The following DELE1 variants were observed in gnomAD, a reference collection of about 807,000 sequenced individuals.
DELE1 encodes death ligand signal enhancer.
DELE1 carries 54 observed loss-of-function variants against 59.3 expected under a neutral mutation model. That is an observed-to-expected ratio of 0.91 (90% CI 0.73 to 1.14). The LOEUF (loss-of-function observed/expected upper bound fraction) is 1.14. Ranked by LOEUF, DELE1 falls within the 50% of genes most tolerant of loss-of-function variation. The probability of loss-of-function intolerance (pLI) is 0.00; values close to 1 mark genes in which losing one functional copy is unlikely to be tolerated. For synonymous variants in DELE1, 264 were observed against 259.1 expected (o/e 1.02, Z -0.18); for missense variants, 636 against 643.9 (o/e 0.99, Z 0.13).
Position 141,932,639 on chromosome 5 carries a change from C to T in DELE1, c.755-620C>T, listed in dbSNP as rs543152383. Among the ~76,000 whole-genome samples the T allele has an allele frequency of 4.8e-4, 73 of 152,258 alleles. 1 individual carries two copies. Among genetic ancestry groups the T allele is most frequent in the African/African-American group, 1.6e-3 (65 of 41,546 alleles). ...GTTCAGATTCCTGAGAAAGAACCTC[C>T]GTGGTTAGGAAGAACACAAGCACAT... On this transcript the variant is annotated intron_variant, in intron 7 of 11. Coordinates refer to ENST00000432126, the MANE Select transcript of DELE1 (RefSeq NM_014773.5).
rs764711531 is a variant in DELE1 at position 141,937,315 on chromosome 5, G to A, written c.1267G>A (p.Ala423Thr). 49 of 1,614,056 alleles carry A rather than the reference G, an allele frequency of 3.0e-5. No homozygotes were observed. Among genetic ancestry groups the A allele is most frequent in the South Asian group, 1.8e-4 (16 of 91,084 alleles). ...GTCAGCCGCTCTGGGAAATGAGGCC[G>A]CCCAGGAGAGGCTGCGAGCCCTCTT... Reference protein sequence around the residue: ...QQSAALGNEAAQERLRALFSM... With the variant: ...QQSAALGNEATQERLRALFSM... Residue 423 changes from alanine to threonine, a missense_variant, in exon 11 of 12, where the codon GCC becomes ACC. Physicochemically the swap from Ala to Thr is moderately conservative, Grantham distance 58. Transcript: ENST00000432126.
At chr5:141,938,418 T>C (rs1752535763) in intron 11 of DELE1, 103 bp from the exon 12 acceptor site, 8 of 1,520,104 alleles carry the variant, frequency 5.3e-6, no homozygotes, top group South Asian at 1.3e-5. Flanking sequence ...GGTTGGGAGT[T>C]AACAATGCCT....
intron 11 of DELE1, 43 bp downstream of exon 11, chr5:141,937,400 C>T: frequency 6.2e-7 from 1 of 1,604,608 alleles, no homozygotes; most frequent in Non-Finnish European, 8.5e-7. Flanking sequence ...TCCCTGAGCT[C>T]AGTACTCTGT....
intron 2 of DELE1, 94 bp from the exon 3 acceptor site, chr5:141,925,316 C>T: frequency 1.4e-6 from 1 of 723,004 alleles, no homozygotes; most frequent in Non-Finnish European, 2.2e-6. Context: ...CCACCTCAGC[C>T]TCCCAAATTG....
chr5:141,941,969 A>G lies in DELE1; in HGVS notation c.*3210A>G. 1 of 980,836 alleles carries G rather than the reference A, an allele frequency of 1.0e-6. No individual in the cohort carries two copies. Among genetic ancestry groups the G allele is most frequent in the African/African-American group, 1.9e-5 (1 of 53,466 alleles). The allele number at this position is 980,836 out of a possible 1,614,324, so 60.8% of individuals were successfully genotyped here. ...ACTCGCCGCCTATACACACGCACAC[A>G]CGCACACACACACACACGGTTTCCT... On this transcript the variant is annotated 3_prime_UTR_variant, in exon 12 of 12. Transcript: ENST00000432126.
In DELE1 at chr5:141,937,175, TTGTC is replaced by T. The variant is rs1030934010; in HGVS notation, c.1150-18_1150-15del. ...CTCATTCCTGCATGTGTGTATCTGT[TTGTC>T]TGTCCATTTTCTCCTTAGGACTCAC... On this transcript the variant is annotated intron_variant, in intron 10 of 11. Transcript: ENST00000432126. The T allele has an allele frequency of 4.3e-6, 7 of 1,613,558 alleles. No homozygotes were observed. The highest frequency in any genetic ancestry group is 1.7e-4 in the Middle Eastern group (1 of 6,052).
rs377098618 is a variant in DELE1 at position 141,929,451 on chromosome 5, TG to T, written c.413-130del. 693 of 892,178 alleles carry T rather than the reference TG, an allele frequency of 7.8e-4. 5 individuals carry two copies. In the East Asian group the frequency reaches 0.014, roughly 18 times the overall value. 55.3% of individuals were successfully genotyped at this position (892,178 alleles called of 1,614,324 possible). A position where few individuals can be genotyped will look rare whatever the true frequency, so the allele number is the denominator to read the frequency against. On this transcript the variant is annotated intron_variant, in intron 4 of 11. Coordinates refer to ENST00000432126, the MANE Select transcript of DELE1 (RefSeq NM_014773.5). ...TTTTAGTACAGATGGGGTTTCACCA[TG>T]TTGGCCAGGCTGGTCTTGAACTCCT...
At position 141,925,505 on chromosome 5, in the gene DELE1, C is replaced by T. The variant is rs1751327732; in HGVS notation, c.242C>T (p.Thr81Ile). 6 of 1,595,822 alleles carry T rather than the reference C, an allele frequency of 3.8e-6. No homozygotes were observed. The highest frequency in any genetic ancestry group is 1.7e-4 in the Middle Eastern group (1 of 6,004). ...QWMSSRVSPNTLWDAISWGTL... is the reference protein window; with the variant it reads ...QWMSSRVSPNILWDAISWGTL... Reference sequence around the variant, plus strand: ...ATGTCTTCCCGTGTCTCCCCGAACACCCTATGGGATGCCATATCTTGGGTA... The same window carrying T: ...ATGTCTTCCCGTGTCTCCCCGAACATCCTATGGGATGCCATATCTTGGGTA... Residue 81 changes from threonine to isoleucine, a missense_variant, in exon 3 of 12, where the codon ACC becomes ATC. Transcript: ENST00000432126.
At chr5:141,929,879 G>A (rs1751757287) in intron 5 of DELE1, 110 bp from the exon 6 acceptor site, 9 of 1,504,410 alleles carry the variant, frequency 6.0e-6, no homozygotes, top group South Asian at 1.1e-5. Context: ...GGGTTATTTC[G>A]GTTCCTGGCA....
chr5:141,939,527 G>A lies in DELE1; in HGVS notation c.*768G>A. On this transcript the variant is annotated 3_prime_UTR_variant, in exon 12 of 12. Transcript: ENST00000432126. ...GAAGGAAGAAGTTTCTTGCCCAAAT[G>A]CCTGGATGTGTCTGCTTGACTTTCA... 1.0e-6 allele frequency: 1 copy of A among 985,802 alleles called. No individual in the cohort carries two copies. Among genetic ancestry groups the A allele is most frequent in the African/African-American group, 1.7e-5 (1 of 57,308 alleles). 61.1% of individuals were successfully genotyped at this position (985,802 alleles called of 1,614,324 possible). A position where few individuals can be genotyped will look rare whatever the true frequency, so the allele number is the denominator to read the frequency against.
rs749572127 is a variant in DELE1 at position 141,928,291 on chromosome 5, A to G, written c.405A>G (p.Pro135=). The G allele has an allele frequency of 2.1e-5, 34 of 1,613,946 alleles. No homozygotes were observed. The South Asian group carries it at 3.3e-4, about 16-fold the overall frequency. The change falls in exon 4 of 12, where the codon CCA becomes CCG. Residue 135 remains proline (P), a synonymous_variant. Coordinates refer to ENST00000432126, the MANE Select transcript of DELE1 (RefSeq NM_014773.5). ...DRFFSSPLWH[P]CSSLRQHILP... ...TCTTCTCATCTCCCTTGTGGCACCCATGCTCCTGTGAGTTCTCAGTCCTGG... is the reference window on the plus strand; with the variant it reads ...TCTTCTCATCTCCCTTGTGGCACCCGTGCTCCTGTGAGTTCTCAGTCCTGG...
In DELE1 at chr5:141,940,821, G is replaced by A. The variant is rs142598240; in HGVS notation, c.*2062G>A. The stretch of plus-strand genomic sequence containing the variant: ...CAGGGTAGGAAACCTGAGGTTTCAA[G>A]CTCAGGGTTTTAAGCTGTGCAGTGC... On this transcript the variant is annotated 3_prime_UTR_variant, in exon 12 of 12. Transcript: ENST00000432126. The A allele has an allele frequency of 7.4e-5, 73 of 985,402 alleles. No individual in the cohort carries two copies. The African/African-American group carries it at 9.9e-4, about 13-fold the overall frequency. 61.0% of individuals were successfully genotyped at this position (985,402 alleles called of 1,614,324 possible). A position where few individuals can be genotyped will look rare whatever the true frequency, so the allele number is the denominator to read the frequency against.
chr5:141,927,908 G>A (rs1751548210), intron 3 of DELE1, among the ~76,000 whole-genome samples: 1 of 151,922 alleles, frequency 6.6e-6, no homozygotes, highest in Admixed American at 6.5e-5. Flanking sequence ...AAACACACAT[G>A]GTCCCTGCCC....
chr5:141,938,805 G>A lies in DELE1; in HGVS notation c.*46G>A, dbSNP rs371177010. ...CTGGTGCCTCTTAGGGGCCAGAGCG[G>A]GCAGGAGGTTGGATAACAAAAATAG... is the stretch of plus-strand genomic sequence containing the variant. On this transcript the variant is annotated 3_prime_UTR_variant, in exon 12 of 12. Transcript: ENST00000432126. 4 of 1,549,590 alleles carry A rather than the reference G, an allele frequency of 2.6e-6. No individual in the cohort carries two copies. The highest frequency in any genetic ancestry group is 1.9e-5 in the Admixed American group (1 of 52,738).
intron 10 of DELE1, among the ~76,000 whole-genome samples, chr5:141,936,253 C>A (rs988113680): frequency 6.6e-6 from 1 of 152,098 alleles, no homozygotes; most frequent in Non-Finnish European, 1.5e-5. Flanking sequence ...GGTAGAGTCA[C>A]GTGCCTGAGT....
At chr5:141,936,625 G>T (rs1752381817) in intron 10 of DELE1, among the ~76,000 whole-genome samples, 1 of 152,086 alleles carries the variant, frequency 6.6e-6, no homozygotes, top group Non-Finnish European at 1.5e-5. Flanking sequence ...TTTAGAGACG[G>T]GGTTTCACTA....
In DELE1 at chr5:141,929,983, T is replaced by G. The variant is rs189222083; in HGVS notation, c.572-6T>G. On this transcript the variant is annotated splice_region_variant and splice_polypyrimidine_tract_variant and intron_variant, in intron 5 of 11. Coordinates refer to ENST00000432126, the MANE Select transcript of DELE1 (RefSeq NM_014773.5). Reference sequence around the variant, plus strand: ...CCCTGGCCGGGTGTCGGCCTTTCCCTTGCAGGTCCCGGTGATTTTGGCTTC... The same window carrying G: ...CCCTGGCCGGGTGTCGGCCTTTCCCGTGCAGGTCCCGGTGATTTTGGCTTC... 1.9e-6 allele frequency: 3 copies of G among 1,613,848 alleles called. No homozygotes were observed. In the East Asian group the frequency reaches 6.7e-5, roughly 36 times the overall value.
In DELE1 at chr5:141,939,920, C is replaced by G. The variant is rs2126905567; in HGVS notation, c.*1161C>G. ...CATGGTTGCATGACTTTATGAGTCG[C>G]TGGGCCAGGGTGAGGACCTGGGCCT... On this transcript the variant is annotated 3_prime_UTR_variant, in exon 12 of 12. Coordinates refer to ENST00000432126, the MANE Select transcript of DELE1 (RefSeq NM_014773.5). The G allele has an allele frequency of 1.2e-6, 1 of 800,320 alleles. No homozygotes were observed. Among genetic ancestry groups the G allele is most frequent in the South Asian group, 5.7e-5 (1 of 17,618 alleles). 49.6% of individuals were successfully genotyped at this position (800,320 alleles called of 1,614,324 possible). A position where few individuals can be genotyped will look rare whatever the true frequency, so the allele number is the denominator to read the frequency against.
rs1369908687 is a variant in DELE1, at chr5:141,923,915, C to G, written c.-27C>G. 6.3e-7 allele frequency: 1 copy of G among 1,596,216 alleles called. No individual in the cohort carries two copies. Among genetic ancestry groups the G allele is most frequent in the Non-Finnish European group, 8.5e-7 (1 of 1,171,720 alleles). ...AGGGTTGGTCTCGCGCTTTCGGCTGCGAGCTCTCTGTGGTGCTGGCAGCGA... is the reference window on the plus strand; with the variant it reads ...AGGGTTGGTCTCGCGCTTTCGGCTGGGAGCTCTCTGTGGTGCTGGCAGCGA... On this transcript the variant is annotated 5_prime_UTR_variant, in exon 1 of 12. Transcript: ENST00000432126.
Sources: gnomAD v4.1 joint callset for allele counts (sites outside exome capture counted in the v4.1 genomes callset) on GRCh38, gnomAD v4.1.1 for gene constraint, MANE v1.5 for transcripts, NCBI Gene and HGNC (gene_info 2026-07-23, HGNC 2026-07-21) for gene names.